NR6A1: variants seen among roughly 807,000 people sequenced by gnomAD.
The protein encoded by NR6A1 is retinoic acid receptor-related testis-associated receptor.
A neutral mutation model predicts 59.1 loss-of-function variants in NR6A1; 7 were observed. That is an observed-to-expected ratio of 0.12 (90% CI 0.07 to 0.22). The LOEUF is 0.22. Ranked by LOEUF, NR6A1 falls within the 10% of genes least tolerant of loss-of-function variation. The pLI, the probability that NR6A1 is intolerant of heterozygous loss-of-function variation, is 1.00. For synonymous variants in NR6A1, 243 were observed against 236.1 expected, an observed-to-expected ratio of 1.03 and a Z score of -0.27; for missense variants, 468 against 611.6, an observed-to-expected ratio of 0.77 and a Z score of 2.48.
chr9:124,616,207 C>T (rs1835885223), intron 2 of NR6A1, among the ~76,000 whole-genome samples: 15 of 151,658 alleles, frequency 9.9e-5, no homozygotes, highest in Middle Eastern at 3.4e-3. Context: ...AGACCAGCCT[C>T]GCCAACCAAC....
intron 2 of NR6A1, among the ~76,000 whole-genome samples, chr9:124,708,457 T>G (rs1839193580): frequency 6.6e-6 from 1 of 152,210 alleles, no homozygotes; most frequent in Non-Finnish European, 1.5e-5. Flanking sequence ...GAGAGAGAAT[T>G]TTTTGACCTC....
chr9:124,713,738 A>G (rs1220352575), intron 2 of NR6A1, among the ~76,000 whole-genome samples: 3 of 152,224 alleles, frequency 2.0e-5, no homozygotes, highest in African/African-American at 7.2e-5. Context: ...AACACAGTAA[A>G]TAAGTGTTGG....
chr9:124,752,307 G>T (rs1840524757), intron 1 of NR6A1, among the ~76,000 whole-genome samples: 1 of 151,548 alleles, frequency 6.6e-6, no homozygotes, highest in African/African-American at 2.4e-5. Flanking sequence ...AATGACAATA[G>T]GTTTTTTTCT....
chr9:124,698,576 A>C (rs2131040967), intron 2 of NR6A1: 1 of 152,344 alleles, frequency 6.6e-6, no homozygotes, highest in South Asian at 2.1e-4. Context: ...TTGTGATCTC[A>C]TAACCTGTCA....
chr9:124,527,265 G>A (rs962905093), intron 7 of NR6A1, among the ~76,000 whole-genome samples: 1 of 152,164 alleles, frequency 6.6e-6, no homozygotes, highest in Non-Finnish European at 1.5e-5. Context: ...TAAATGTGGA[G>A]AAGTACAACA....
intron 2 of NR6A1, among the ~76,000 whole-genome samples, chr9:124,555,661 T>C (rs1415475523): frequency 6.6e-6 from 1 of 152,174 alleles, no homozygotes; most frequent in Non-Finnish European, 1.5e-5. Flanking sequence ...ATACCATGAA[T>C]TAGAGACCGC....
chr9:124,684,415 A>G (rs1388146339), intron 2 of NR6A1, among the ~76,000 whole-genome samples: 1 of 152,198 alleles, frequency 6.6e-6, no homozygotes, highest in Non-Finnish European at 1.5e-5. Context: ...TCAGCCCTTG[A>G]TTCCTGGTGC....
chr9:124,704,027 T>G (rs1401978798), intron 2 of NR6A1, among the ~76,000 whole-genome samples: 1 of 152,222 alleles, frequency 6.6e-6, no homozygotes, highest in Non-Finnish European at 1.5e-5. Context: ...CTTCTCTTTG[T>G]AGGAAGATTT....
At chr9:124,762,365 A>C (rs1254225828) in intron 1 of NR6A1, among the ~76,000 whole-genome samples, 1 of 152,234 alleles carries the variant, frequency 6.6e-6, no homozygotes, top group Non-Finnish European at 1.5e-5. Context: ...AAAAATTAGA[A>C]GAGTGGCATT....
intron 2 of NR6A1, among the ~76,000 whole-genome samples, chr9:124,600,609 C>T (rs1835419686): frequency 6.6e-6 from 1 of 152,174 alleles, no homozygotes; most frequent in Non-Finnish European, 1.5e-5. Flanking sequence ...CCTAGAAGTA[C>T]TCATCATCTG....
chr9:124,627,601 T>C (rs1044857208), intron 2 of NR6A1, among the ~76,000 whole-genome samples: 19 of 152,192 alleles, frequency 1.2e-4, no homozygotes, highest in Admixed American at 1.2e-3. Flanking sequence ...AGAGTTGCTG[T>C]CCCTTTGTCA....
In NR6A1 at chr9:124,733,355, G is replaced by A. The variant is rs1446754524; in HGVS notation, c.101-6C>T. On this transcript the variant is annotated splice_polypyrimidine_tract_variant and splice_region_variant and intron_variant, in intron 1 of 9. Transcript: ENST00000487099. ...CAATTCATCCTGACAGAAACCTAAA[G>A]AGAAAACAATAGGAAAAAAAATTAC... 1.9e-6 allele frequency: 3 copies of A among 1,610,932 alleles called. No homozygotes were observed. Among genetic ancestry groups the A allele is most frequent in the Admixed American group, 1.7e-5 (1 of 59,988 alleles).
At position 124,686,042 on chromosome 9, in the gene NR6A1, T is replaced by C. The variant is rs531701401; in HGVS notation, c.142+47266A>G. 4.6e-5 allele frequency among the ~76,000 whole-genome samples: 7 copies of C among 152,368 alleles called. No individual in the cohort carries two copies. In the South Asian group the frequency reaches 1.4e-3, roughly 32 times the overall value. ...ACATTAAAAAGCATTTTCCCTGTTA[T>C]GAATAACTCAAAATAGTTATGAAAT... On this transcript the variant is annotated intron_variant, in intron 2 of 9. Transcript: ENST00000487099.
At chr9:124,695,360 TTG>T (rs1838714841) in intron 2 of NR6A1, among the ~76,000 whole-genome samples, 1 of 152,154 alleles carries the variant, frequency 6.6e-6, no homozygotes, top group Non-Finnish European at 1.5e-5. Flanking sequence ...AAAGGTTTTT[TTG>T]TGTGTGTTTT....
chr9:124,598,608 C>T, intron 2 of NR6A1: 1 of 188,994 alleles, frequency 5.3e-6, no homozygotes, highest in South Asian at 5.4e-5. Flanking sequence ...AAAATGAAAT[C>T]AAATAAAAAC....
At chr9:124,689,073 A>G (rs528471184) in intron 2 of NR6A1, among the ~76,000 whole-genome samples, 49 of 152,228 alleles carry the variant, frequency 3.2e-4, no homozygotes, top group Non-Finnish European at 6.6e-4. Flanking sequence ...TACAACAGCT[A>G]GTCAGAGATT....
intron 2 of NR6A1, among the ~76,000 whole-genome samples, chr9:124,580,806 T>A (rs1198832660): frequency 1.3e-5 from 2 of 151,708 alleles, no homozygotes; most frequent in Non-Finnish European, 2.9e-5. Flanking sequence ...GGCAACAGAG[T>A]GAGACTCCAA....
chr9:124,616,847 G>A (rs901143968), intron 2 of NR6A1, among the ~76,000 whole-genome samples: 19 of 152,214 alleles, frequency 1.2e-4, no homozygotes, highest in Middle Eastern at 3.4e-3. Context: ...ATATTTCAGT[G>A]GTGAAGTTTT....
chr9:124,525,345 T>C (rs1832904391), intron 8 of NR6A1, among the ~76,000 whole-genome samples: 1 of 146,750 alleles, frequency 6.8e-6, no homozygotes, highest in Non-Finnish European at 1.5e-5. Flanking sequence ...TGCGCTTCTG[T>C]TCTTAATCTT....
Sources: allele counts gnomAD v4.1 joint callset (sites outside exome capture counted in the v4.1 genomes callset), GRCh38; gene constraint gnomAD v4.1.1; transcripts MANE v1.5; gene names NCBI Gene and HGNC (gene_info 2026-07-23, HGNC 2026-07-21).